Variants in RCAN2 observed in about 807,000 individuals in gnomAD.
RCAN2 encodes regulator of calcineurin 2.
Under a neutral mutation model 23.6 loss-of-function variants are expected in RCAN2, and 9 were observed. The observed-to-expected ratio is 0.38, with a 90% CI of 0.23 to 0.67. The LOEUF (loss-of-function observed/expected upper bound fraction) is 0.67. RCAN2 is among the 30% of genes least tolerant of loss of function. The pLI, the probability that RCAN2 is intolerant of heterozygous loss-of-function variation, is 0.51. For synonymous variants in RCAN2, 109 were observed against 115.7 expected (o/e 0.94, Z 0.37); for missense variants, 273 against 302.3 (o/e 0.90, Z 0.72).
chr6:46,439,915 T>C (rs1480044134), intron 2 of RCAN2, among the ~76,000 whole-genome samples: 1 of 152,230 alleles, frequency 6.6e-6, no homozygotes, highest in African/African-American at 2.4e-5. Context: ...GACTTTCCTT[T>C]CATGTGCCCC....
intron 2 of RCAN2, among the ~76,000 whole-genome samples, chr6:46,302,545 C>T (rs1298075666): frequency 2.0e-5 from 3 of 152,072 alleles, no homozygotes; most frequent in Admixed American, 6.6e-5. Context: ...TGCAAGCTAG[C>T]TTTTCAGTTT....
intron 2 of RCAN2, among the ~76,000 whole-genome samples, chr6:46,263,539 A>ATGTGTGTGTGTG (rs59953064): frequency 1.2e-5 from 1 of 82,456 alleles, no homozygotes; most frequent in African/African-American, 3.4e-5. Flanking sequence ...GTGTGTGTGT[A>ATGTGTGTGTGTG]TGTGTGTGTG....
chr6:46,420,312 G>A (rs980437523), intron 2 of RCAN2, among the ~76,000 whole-genome samples: 1 of 152,102 alleles, frequency 6.6e-6, no homozygotes, highest in African/African-American at 2.4e-5. Context: ...AAGAGTCTTG[G>A]TTGCATCATT....
At chr6:46,428,067 T>C (rs1418231230) in intron 2 of RCAN2, among the ~76,000 whole-genome samples, 3 of 152,208 alleles carry the variant, frequency 2.0e-5, no homozygotes, top group Admixed American at 1.3e-4. Flanking sequence ...GGACCACAAT[T>C]CAGCTACAGG....
chr6:46,365,042 T>G (rs1296867494), intron 2 of RCAN2, among the ~76,000 whole-genome samples: 2 of 152,186 alleles, frequency 1.3e-5, no homozygotes, highest in Admixed American at 1.3e-4. Context: ...TTCCTAAAAC[T>G]GCAGCCCTAA....
chr6:46,395,275 A>G (rs1314367464), intron 2 of RCAN2, among the ~76,000 whole-genome samples: 1 of 152,174 alleles, frequency 6.6e-6, no homozygotes, highest in Non-Finnish European at 1.5e-5. Flanking sequence ...GAGGAGGGAA[A>G]GATAAGATGC....
chr6:46,428,206 G>T (rs1226746291), intron 2 of RCAN2, among the ~76,000 whole-genome samples: 1 of 152,182 alleles, frequency 6.6e-6, no homozygotes, highest in Non-Finnish European at 1.5e-5. Flanking sequence ...TTGCATCTAA[G>T]GGTACCAGCC....
chr6:46,297,192 G>A (rs1762752083), intron 2 of RCAN2, among the ~76,000 whole-genome samples: 1 of 151,918 alleles, frequency 6.6e-6, no homozygotes, highest in Non-Finnish European at 1.5e-5. Flanking sequence ...TACCCCATGG[G>A]GCATCCAATT....
chr6:46,391,336 T>C (rs1160530819), intron 2 of RCAN2, among the ~76,000 whole-genome samples: 1 of 152,100 alleles, frequency 6.6e-6, no homozygotes, highest in Non-Finnish European at 1.5e-5. Flanking sequence ...GTCTGGAACA[T>C]AACGAGCTCT....
intron 1 of RCAN2, among the ~76,000 whole-genome samples, chr6:46,474,761 CTTCAAAAG>C (rs1454871325): frequency 1.3e-5 from 2 of 152,164 alleles, no homozygotes; most frequent in African/African-American, 4.8e-5. Flanking sequence ...GTTCCGCTGC[CTTCAAAAG>C]TTCAGTTCCA....
intron 2 of RCAN2, among the ~76,000 whole-genome samples, chr6:46,454,359 AG>A (rs1284105927): frequency 6.6e-6 from 1 of 152,188 alleles, no homozygotes; most frequent in Non-Finnish European, 1.5e-5. Flanking sequence ...AGATGCCACA[AG>A]ACTCCCCACT....
At chr6:46,318,244 C>T (rs1763504803) in intron 2 of RCAN2, among the ~76,000 whole-genome samples, 1 of 152,084 alleles carries the variant, frequency 6.6e-6, no homozygotes, top group Non-Finnish European at 1.5e-5. Flanking sequence ...AATTAAATAG[C>T]AAAGTATCCT....
intron 2 of RCAN2, among the ~76,000 whole-genome samples, chr6:46,446,024 A>T (rs927630920): frequency 6.6e-6 from 1 of 152,082 alleles, no homozygotes; most frequent in Non-Finnish European, 1.5e-5. Flanking sequence ...ATAACAGAAA[A>T]TTTTTCAAAT....
At chr6:46,361,679 T>G (rs1765019505) in intron 2 of RCAN2, among the ~76,000 whole-genome samples, 1 of 152,276 alleles carries the variant, frequency 6.6e-6, no homozygotes, top group South Asian at 2.1e-4. Context: ...TTTCATGGGG[T>G]GAAGTGATAC....
intron 2 of RCAN2, among the ~76,000 whole-genome samples, chr6:46,438,845 G>A (rs1353168582): frequency 6.6e-6 from 1 of 152,054 alleles, no homozygotes; most frequent in Non-Finnish European, 1.5e-5. Context: ...AGCAATACTT[G>A]GGACATGGTA....
At chr6:46,472,896 C>G (rs1047155525) in intron 1 of RCAN2, among the ~76,000 whole-genome samples, 1 of 152,146 alleles carries the variant, frequency 6.6e-6, no homozygotes, top group East Asian at 1.9e-4. Context: ...GTAACAAGAT[C>G]TAGGGATTTT....
intron 2 of RCAN2, among the ~76,000 whole-genome samples, chr6:46,352,777 A>G (rs556308593): frequency 6.6e-6 from 1 of 152,282 alleles, no homozygotes; most frequent in East Asian, 1.9e-4. Flanking sequence ...GGGGAAAAAA[A>G]GGTCCTGTCA....
chr6:46,423,754 G>T (rs1268295059), intron 2 of RCAN2, among the ~76,000 whole-genome samples: 3 of 152,114 alleles, frequency 2.0e-5, no homozygotes, highest in Admixed American at 2.0e-4. Context: ...TGATTTCTGA[G>T]ATTAGACTGA....
At chr6:46,381,115 T>C (rs1166808265) in intron 2 of RCAN2, among the ~76,000 whole-genome samples, 1 of 152,292 alleles carries the variant, frequency 6.6e-6, no homozygotes, top group East Asian at 1.9e-4. Context: ...GACTGACACA[T>C]TCCGTGAAGT....
Sources: gnomAD v4.1 joint callset for allele counts (sites outside exome capture counted in the v4.1 genomes callset) on GRCh38, gnomAD v4.1.1 for gene constraint, MANE v1.5 for transcripts, NCBI Gene and HGNC (gene_info 2026-07-23, HGNC 2026-07-21) for gene names.